The following LIPI variants were observed in gnomAD, a reference collection of about 807,000 sequenced individuals.
The protein encoded by LIPI is lipase I, also known as lipase member I.
In LIPI, 59 loss-of-function variants were observed where a neutral mutation model predicts 50.6. The observed-to-expected ratio is 1.16, with a 90% CI of 0.94 to 1.45. The LOEUF is 1.45. Among genes scored for constraint, LIPI ranks in the 40% most tolerant of loss-of-function variants. The pLI, the probability that LIPI is intolerant of heterozygous loss-of-function variation, is 0.00. For missense variants in LIPI, 586 were observed against 536.3 expected (o/e 1.09, Z -0.92); for synonymous variants, 203 against 178.2 (o/e 1.14, Z -1.11).
At chr21:14,191,325 C>T (rs1350658822) in intron 1 of LIPI, among the ~76,000 whole-genome samples, 4 of 145,580 alleles carry the variant, frequency 2.7e-5, no homozygotes, top group African/African-American at 5.1e-5. Flanking sequence ...TGCAGTGAGC[C>T]GAGATCCCGC....
chr21:14,155,099 G>C (rs2123107700), intron 7 of LIPI, among the ~76,000 whole-genome samples: 1 of 152,096 alleles, frequency 6.6e-6, no homozygotes, highest in African/African-American at 2.4e-5. Flanking sequence ...AAGAAAAAAA[G>C]TTGTAAAAGA....
intron 7 of LIPI, among the ~76,000 whole-genome samples, chr21:14,155,884 G>T (rs2123110520): frequency 6.6e-6 from 1 of 152,010 alleles, no homozygotes; most frequent in African/African-American, 2.4e-5. Context: ...AAGAAAGAAT[G>T]AACAATGAGA....
At chr21:14,181,925 C>T in intron 3 of LIPI, 66 bp from the exon 4 acceptor site, 1 of 807,580 alleles carries the variant, frequency 1.2e-6, no homozygotes, top group Non-Finnish European at 2.2e-6. Flanking sequence ...TGCATACTTC[C>T]ATTATTACTG....
chr21:14,204,361 G>A (rs898656031), intron 1 of LIPI, among the ~76,000 whole-genome samples: 2 of 151,260 alleles, frequency 1.3e-5, no homozygotes, highest in African/African-American at 4.9e-5. Context: ...AAGAGGAAAA[G>A]AGAAAAGAGG....
chr21:14,142,297 A>C (rs145366366), intron 9 of LIPI, among the ~76,000 whole-genome samples: 216 of 152,186 alleles, frequency 1.4e-3, no homozygotes, highest in African/African-American at 5.1e-3. Flanking sequence ...ATGTATCCCA[A>C]AACTTAAAGT....
At chr21:14,152,032 G>C (rs2018109224) in intron 8 of LIPI, among the ~76,000 whole-genome samples, 1 of 151,806 alleles carries the variant, frequency 6.6e-6, no homozygotes, top group South Asian at 2.1e-4. Context: ...AGTCATAAGA[G>C]AGAGAAAGAC....
intron 4 of LIPI, among the ~76,000 whole-genome samples, chr21:14,170,406 A>T (rs368240220): frequency 0.017 from 2,615 of 152,106 alleles, 63 homozygotes; most frequent in African/African-American, 0.051. Flanking sequence ...GCAGAGACAC[A>T]ACAAAAAAAG....
At chr21:14,198,173 A>T (rs2019927452) in intron 1 of LIPI, among the ~76,000 whole-genome samples, 1 of 152,114 alleles carries the variant, frequency 6.6e-6, no homozygotes, top group Non-Finnish European at 1.5e-5. Context: ...AATATACTGA[A>T]GTACACGACC....
At chr21:14,156,001 G>A (rs1177388133) in intron 7 of LIPI, among the ~76,000 whole-genome samples, 1 of 151,940 alleles carries the variant, frequency 6.6e-6, no homozygotes, top group African/African-American at 2.4e-5. Flanking sequence ...TCAAAATCAT[G>A]ATAATTAAAT....
At chr21:14,180,981 CAAA>C (rs2019250740) in intron 4 of LIPI, among the ~76,000 whole-genome samples, 2 of 152,146 alleles carry the variant, frequency 1.3e-5, no homozygotes, top group South Asian at 4.1e-4. Flanking sequence ...CATCTGGAAT[CAAA>C]ACATATGATT....
intron 4 of LIPI, among the ~76,000 whole-genome samples, chr21:14,171,913 A>G (rs1600895147): frequency 6.7e-6 from 1 of 149,760 alleles, no homozygotes; most frequent in Non-Finnish European, 1.5e-5. Flanking sequence ...AGAAACTACC[A>G]TCAGAGTGAA....
chr21:14,206,331 G>T (rs2020223869), intron 1 of LIPI, among the ~76,000 whole-genome samples: 1 of 152,106 alleles, frequency 6.6e-6, no homozygotes, highest in African/African-American at 2.4e-5. Context: ...GGAGTTGAAA[G>T]AAATGGTCTC....
intron 9 of LIPI, among the ~76,000 whole-genome samples, chr21:14,111,496 T>C (rs2016412117): frequency 6.6e-6 from 1 of 152,112 alleles, no homozygotes; most frequent in African/African-American, 2.4e-5. Context: ...ATTCACCCCT[T>C]ATCATATATA....
intron 9 of LIPI, among the ~76,000 whole-genome samples, chr21:14,127,890 A>G (rs1458930590): frequency 6.6e-6 from 1 of 152,168 alleles, no homozygotes. Context: ...ACATATGTAT[A>G]GATATTAACT....
At position 14,179,887 on chromosome 21, in the gene LIPI, A is replaced by C. The variant is rs79210833; in HGVS notation, c.643+1871T>G. Among the ~76,000 whole-genome samples the C allele has an allele frequency of 5.3e-5, 8 of 152,306 alleles. No homozygotes were observed. In the East Asian group the frequency reaches 1.5e-3, roughly 29 times the overall value. On this transcript the variant is annotated intron_variant, in intron 4 of 9. Coordinates refer to ENST00000681601, the MANE Select transcript of LIPI (RefSeq NM_001302998.2). ...ACAGCGGCTTTTAGGGAACAAGGGA[A>C]GACAACCATAAGGTCTGACTGCCTG...
At position 14,152,751 on chromosome 21, in the gene LIPI, G is replaced by GAT. The variant is rs546313665; in HGVS notation, c.1007-69_1007-68dup. The GAT allele has an allele frequency of 5.2e-4, 380 of 729,176 alleles. 1 individual carries two copies. The highest frequency in any genetic ancestry group is 1.1e-3 in the Admixed American group (53 of 47,562). The allele number at this position is 729,176 out of a possible 1,614,324, so 45.2% of individuals were successfully genotyped here. ...AATTTTTGGTTTTGGTACATATTCAGATATATATATATGTGTATGTATAGA... is the reference window on the plus strand; with the variant it reads ...AATTTTTGGTTTTGGTACATATTCAGATATATATATATATGTGTATGTATAGA... On this transcript the variant is annotated intron_variant, in intron 7 of 9. Coordinates refer to ENST00000681601, the MANE Select transcript of LIPI (RefSeq NM_001302998.2).
chr21:14,150,716 T>C (rs1279113290), intron 8 of LIPI, among the ~76,000 whole-genome samples: 1 of 152,202 alleles, frequency 6.6e-6, no homozygotes, highest in Non-Finnish European at 1.5e-5. Context: ...AATTATGGAA[T>C]AATATTAGTT....
intron 9 of LIPI, among the ~76,000 whole-genome samples, chr21:14,133,466 G>A (rs556827435): frequency 6.6e-6 from 1 of 152,168 alleles, no homozygotes; most frequent in East Asian, 1.9e-4. Flanking sequence ...GACATAGAAG[G>A]AACATACCTC....
intron 1 of LIPI, among the ~76,000 whole-genome samples, chr21:14,189,841 A>G (rs960783297): frequency 6.6e-6 from 1 of 152,108 alleles, no homozygotes; most frequent in Non-Finnish European, 1.5e-5. Flanking sequence ...TCAATACAAA[A>G]CAATAAAGTA....
Sources: gnomAD v4.1 joint callset for allele counts (sites outside exome capture counted in the v4.1 genomes callset) on GRCh38, gnomAD v4.1.1 for gene constraint, MANE v1.5 for transcripts, NCBI Gene and HGNC (gene_info 2026-07-23, HGNC 2026-07-21) for gene names.